Variants in ACYP2 observed in about 807,000 individuals in gnomAD.
ACYP2 encodes the protein acylphosphatase 2.
Under a neutral mutation model 11.2 loss-of-function variants are expected in ACYP2, and 12 were observed. The observed-to-expected ratio is 1.08, with a 90% CI of 0.69 to 1.74. The LOEUF is 1.74. Among genes scored for constraint, ACYP2 ranks in the 40% most tolerant of loss-of-function variants. The probability of loss-of-function intolerance (pLI) is 0.00; values close to 1 mark genes in which losing one functional copy is unlikely to be tolerated. For missense variants in ACYP2, 134 were observed against 101.9 expected, an observed-to-expected ratio of 1.31 and a Z score of -1.35; for synonymous variants, 43 against 32.2, an observed-to-expected ratio of 1.33 and a Z score of -1.13.
intron 2 of ACYP2, among the ~76,000 whole-genome samples, chr2:53,989,414 G>A (rs1352302164): frequency 6.6e-6 from 1 of 150,988 alleles, no homozygotes; most frequent in Admixed American, 6.7e-5. Flanking sequence ...TCAGATATTA[G>A]TAAAACAAAG....
intron 6 of ACYP2, among the ~76,000 whole-genome samples, chr2:54,186,065 A>C (rs537752451): frequency 6.6e-6 from 1 of 152,290 alleles, no homozygotes; most frequent in South Asian, 2.1e-4. Flanking sequence ...CTGCAAATGC[A>C]TGCGAAATGT....
chr2:54,149,932 G>T (rs929806952), intron 6 of ACYP2, among the ~76,000 whole-genome samples: 1 of 152,186 alleles, frequency 6.6e-6, no homozygotes, highest in Non-Finnish European at 1.5e-5. Context: ...TGATACATAG[G>T]AAAGGGTAAA....
intron 2 of ACYP2, among the ~76,000 whole-genome samples, chr2:54,011,462 T>C (rs577366965): frequency 6.6e-6 from 1 of 152,342 alleles, no homozygotes; most frequent in East Asian, 1.9e-4. Context: ...CCTCCATGAA[T>C]ACACAGCATC....
intron 4 of ACYP2, among the ~76,000 whole-genome samples, chr2:54,108,664 C>T (rs1679299364): frequency 6.6e-6 from 1 of 152,068 alleles, no homozygotes; most frequent in Non-Finnish European, 1.5e-5. Flanking sequence ...TTTTCGCCTT[C>T]CCTGTCTTGT....
intron 4 of ACYP2, 87 bp from the exon 1 acceptor site, chr2:54,115,528 G>T: frequency 6.7e-7 from 1 of 1,490,580 alleles, no homozygotes; most frequent in Non-Finnish European, 8.9e-7. Context: ...CCCAGGCCCC[G>T]CAGTCTCATT....
intron 6 of ACYP2, among the ~76,000 whole-genome samples, chr2:54,169,343 C>A (rs576094561): frequency 6.6e-6 from 1 of 152,166 alleles, no homozygotes; most frequent in Non-Finnish European, 1.5e-5. Flanking sequence ...CCTCCCCTAT[C>A]CCCCTTTGAC....
At chr2:54,115,778 G>A in intron 4 of ACYP2, 22 bp downstream of exon 1, 1 of 1,585,040 alleles carries the variant, frequency 6.3e-7, no homozygotes, top group Non-Finnish European at 8.6e-7. Context: ...CTCTACGGTG[G>A]GAGATCAAAA....
intron 2 of ACYP2, among the ~76,000 whole-genome samples, chr2:54,018,710 A>G (rs947723789): frequency 6.6e-5 from 10 of 152,150 alleles, no homozygotes; most frequent in African/African-American, 1.9e-4. Context: ...TGCTCTTTAT[A>G]TTAAGCATTT....
chr2:54,269,470 G>A (rs1273074066), intron 6 of ACYP2, among the ~76,000 whole-genome samples: 1 of 152,124 alleles, frequency 6.6e-6, no homozygotes, highest in Non-Finnish European at 1.5e-5. Context: ...ACAAACTGAT[G>A]ACACTGATAT....
At chr2:54,176,034 T>C (rs1334133067) in intron 6 of ACYP2, among the ~76,000 whole-genome samples, 1 of 152,176 alleles carries the variant, frequency 6.6e-6, no homozygotes, top group African/African-American at 2.4e-5. Context: ...CAGGCCCTTA[T>C]CAGGCACTGA....
Position 54,189,134 on chromosome 2 carries a change from T to C in ACYP2, c.404+50386T>C, listed in dbSNP as rs182632222. On this transcript the variant is annotated intron_variant, in intron 6 of 6. Coordinates refer to ENST00000607452, the MANE Select transcript of ACYP2 (RefSeq NM_001320586.2). ...AAAATGGTTACTATAGTGAAGCAAATTAACATACCCATCATCTCACAGTTG... is the reference window on the plus strand; with the variant it reads ...AAAATGGTTACTATAGTGAAGCAAACTAACATACCCATCATCTCACAGTTG... Among the ~76,000 whole-genome samples the C allele has an allele frequency of 1.1e-3, 164 of 152,316 alleles. 2 individuals carry two copies. Among genetic ancestry groups the C allele is most frequent in the African/African-American group, 3.9e-3 (163 of 41,570 alleles).
Position 54,138,752 on chromosome 2 carries a change from A to G in ACYP2, c.404+4A>G, listed in dbSNP as rs1387527266. The G allele has an allele frequency of 1.9e-6, 3 of 1,607,916 alleles. No individual in the cohort carries two copies. Among genetic ancestry groups the G allele is most frequent in the Non-Finnish European group, 2.5e-6 (3 of 1,176,486 alleles). ...CAGAAGACAAAGTCAATTCCATGTG[A>G]GTAGTAAAATTAATAACATGTACAT... On this transcript the variant is annotated splice_donor_region_variant and intron_variant, in intron 6 of 6. Transcript: ENST00000607452.
Position 54,304,726 on chromosome 2 carries a change from G to A in ACYP2, c.443G>A (p.Arg148His), listed in dbSNP as rs146547585. ...AGCAAGGTTGGAAGCCCTAGTTCTC[G>A]CATTGACCGCACAAACTTTTCTAAT... The change falls in exon 7 of 7, where the codon CGC becomes CAC. Residue 148 changes from arginine (R) to histidine (H), a missense_variant. By Grantham distance (29) the Arg-to-His change is conservative. Coordinates refer to ENST00000607452, the MANE Select transcript of ACYP2 (RefSeq NM_001320586.2). The A allele has an allele frequency of 1.3e-5, 21 of 1,611,870 alleles. No individual in the cohort carries two copies. Among genetic ancestry groups the A allele is most frequent in the South Asian group, 2.2e-5 (2 of 90,846 alleles).
chr2:54,117,070 C>T (rs1011464084), intron 4 of ACYP2, among the ~76,000 whole-genome samples: 3 of 151,954 alleles, frequency 2.0e-5, no homozygotes, highest in South Asian at 2.1e-4. Flanking sequence ...GCGAGGAGAA[C>T]GAGGAAGCTA....
chr2:54,209,529 G>C (rs907598727), intron 6 of ACYP2, among the ~76,000 whole-genome samples: 1 of 152,164 alleles, frequency 6.6e-6, no homozygotes, highest in African/African-American at 2.4e-5. Context: ...ATTTTCTTTG[G>C]ACCAGACTAG....
chr2:54,260,504 G>C (rs1687730393), intron 6 of ACYP2, among the ~76,000 whole-genome samples: 2 of 152,068 alleles, frequency 1.3e-5, no homozygotes, highest in Non-Finnish European at 2.9e-5. Flanking sequence ...AAACAAGAAG[G>C]GCAAGAGAAT....
At chr2:54,167,406 A>G (rs1239759963) in intron 6 of ACYP2, among the ~76,000 whole-genome samples, 1 of 152,244 alleles carries the variant, frequency 6.6e-6, no homozygotes, top group Non-Finnish European at 1.5e-5. Flanking sequence ...AATGGTGGCA[A>G]TCTTTTGGAC....
rs185400291 is a variant in ACYP2, at chr2:54,246,850, C to G, written c.405-57838C>G. Among the ~76,000 whole-genome samples the G allele has an allele frequency of 3.7e-4, 56 of 152,236 alleles. No homozygotes were observed. The East Asian group carries it at 0.01, about 27-fold the overall frequency. ...ACTTTGGGATCAAGGTATATTTTATCAAGTTAAGAAGGTATCCACTTATTT... is the reference window on the plus strand; with the variant it reads ...ACTTTGGGATCAAGGTATATTTTATGAAGTTAAGAAGGTATCCACTTATTT... On this transcript the variant is annotated intron_variant, in intron 6 of 6. Coordinates refer to ENST00000607452, the MANE Select transcript of ACYP2 (RefSeq NM_001320586.2).
At chr2:53,976,521 T>C (rs1671501279) in intron 2 of ACYP2, among the ~76,000 whole-genome samples, 1 of 152,212 alleles carries the variant, frequency 6.6e-6, no homozygotes, top group Non-Finnish European at 1.5e-5. Flanking sequence ...ACGTAATCTT[T>C]AGAAGTATTT....
Sources: gnomAD v4.1 joint callset for allele counts (sites outside exome capture counted in the v4.1 genomes callset) on GRCh38, gnomAD v4.1.1 for gene constraint, MANE v1.5 for transcripts, NCBI Gene and HGNC (gene_info 2026-07-23, HGNC 2026-07-21) for gene names.